Variants in MAGEE1 observed in about 807,000 individuals in gnomAD.
MAGEE1 encodes MAGE family member E1.
A neutral mutation model predicts 12.0 loss-of-function variants in MAGEE1; 3 were observed. That is an observed-to-expected ratio of 0.25 (90% CI 0.11 to 0.65). The LOEUF is 0.65. Ranked by LOEUF, MAGEE1 falls within the 30% of genes least tolerant of loss-of-function variation. MAGEE1 has a pLI of 0.84. For missense variants in MAGEE1, 729 were observed against 772.2 expected, an observed-to-expected ratio of 0.94 and a Z score of 0.66; for synonymous variants, 414 against 326.1, an observed-to-expected ratio of 1.27 and a Z score of -2.91.
Position 76,429,880 on chromosome X carries a change from G to C in MAGEE1, c.1950G>C (p.Glu650Asp). Residue 650 changes from glutamate (E) to aspartate (D), a missense_variant, in exon 1 of 1, where the codon GAG (glutamate) becomes GAC (aspartate). Glu to Asp is a conservative substitution (Grantham distance 45, BLOSUM62 2). Coordinates refer to ENST00000361470, the MANE Select transcript of MAGEE1 (RefSeq NM_020932.3). Reference protein sequence around the residue: ...YRPVTDCKPVEYEFFWGPRSH... With the variant: ...YRPVTDCKPVDYEFFWGPRSH... Reference sequence around the variant, plus strand: ...CAGTAACTGACTGTAAACCAGTGGAGTATGAGTTTTTCTGGGGCCCAAGAT... The same window carrying C: ...CAGTAACTGACTGTAAACCAGTGGACTATGAGTTTTTCTGGGGCCCAAGAT... The C allele has an allele frequency of 1.7e-6, 2 of 1,211,764 alleles. No individual in the cohort carries two copies. Among genetic ancestry groups the C allele is most frequent in the Non-Finnish European group, 2.2e-6 (2 of 895,534 alleles).
At position 76,428,116 on chromosome X, in the gene MAGEE1, G is replaced by A; in HGVS notation, c.186G>A (p.Glu62=). The change falls in exon 1 of 1, where the codon GAG becomes GAA. Residue 62 remains glutamate, a synonymous_variant. Coordinates refer to ENST00000361470, the MANE Select transcript of MAGEE1 (RefSeq NM_020932.3). ...TCCTCCAGGGCCTCTGCGCCTCTGA[G>A]GGCCCAAGCACCTCCGTTCTGCCCA... The part of the protein sequence containing the change: ...SQILQGLCAS[E]GPSTSVLPTS... 2.5e-6 allele frequency: 3 copies of A among 1,191,257 alleles called. No homozygotes were observed. The highest frequency in any genetic ancestry group is 3.1e-5 in the East Asian group (1 of 32,587).
chrX:76,428,478 G>T lies in MAGEE1; in HGVS notation c.548G>T (p.Gly183Val), dbSNP rs1329614986. The T allele has an allele frequency of 8.3e-7, 1 of 1,208,765 alleles. No homozygotes were observed. The highest frequency in any genetic ancestry group is 1.8e-5 in the African/African-American group (1 of 56,938). Residue 183 changes from glycine to valine, a missense_variant, in exon 1 of 1, where the codon GGA becomes GTA. By Grantham distance (109) the Gly-to-Val change is moderately radical. Transcript: ENST00000361470. ...TCCGTGCCGCCCACAGCCTATGAGG[G>T]ACCAAGCACCTCCGTGGTGCCCACC... is the stretch of plus-strand genomic sequence containing the variant. ...STSVPPTAYE[G>V]PSTSVVPTPD...
At position 76,429,175 on chromosome X, in the gene MAGEE1, G is replaced by A. The variant is rs782294387; in HGVS notation, c.1245G>A (p.Leu415=). Residue 415 remains leucine (L), a synonymous_variant, in exon 1 of 1, where the codon TTG becomes TTA. Coordinates refer to ENST00000361470, the MANE Select transcript of MAGEE1 (RefSeq NM_020932.3). ...ACCCTGGTGAGGGCCCGAGCACATT[G>A]TTTAGCTCTAGTGCTTCTGTGGACC... ...LPNPGEGPST[L]FSSSASVDRN... 1.6e-5 allele frequency: 19 copies of A among 1,211,212 alleles called. No homozygotes were observed. The African/African-American group carries it at 3.0e-4, about 19-fold the overall frequency.
chrX:76,430,248 A>G lies in MAGEE1; in HGVS notation c.2318A>G (p.Tyr773Cys), dbSNP rs782081949. Residue 773 changes from tyrosine to cysteine, a missense_variant, in exon 1 of 1, where the codon TAC (tyrosine) becomes TGC (cysteine). Tyr to Cys is a radical substitution (Grantham distance 194). Around this residue, in one of 4 missense-constraint regions of MAGEE1, gnomAD observed 101 missense variants for 161.3 expected, o/e 0.63. Transcript: ENST00000361470. The stretch of plus-strand genomic sequence containing the variant: ...CCTATACCAAAGAAAGGAATTCTGT[A>G]CTACATTGGCCGAGAGTGCAGCAAA... ...KLPIPKKGIL[Y>C]YIGRECSKVF... is the part of the protein sequence containing the mutation. 1 of 1,210,522 alleles carries G rather than the reference A, an allele frequency of 8.3e-7. No individual in the cohort carries two copies. Among genetic ancestry groups the G allele is most frequent in the African/African-American group, 1.7e-5 (1 of 57,294 alleles).
In MAGEE1 at chrX:76,428,833, C is replaced by T. The variant is rs782556685; in HGVS notation, c.903C>T (p.Thr301=). Residue 301 remains threonine, a synonymous_variant, in exon 1 of 1, where the codon ACC becomes ACT. Transcript: ENST00000361470. ...GCACCTCCGTGCCCCCCACCGCCAC[C>T]GAGGGCCTGAGCACCTCCGTGCAGC... The part of the protein sequence containing the change: ...GSSTSVPPTA[T]EGLSTSVQPT... 71 of 1,165,174 alleles carry T rather than the reference C, an allele frequency of 6.1e-5. No homozygotes were observed. Among genetic ancestry groups the T allele is most frequent in the Non-Finnish European group, 7.5e-5 (66 of 876,341 alleles).
chrX:76,428,008 C>A lies in MAGEE1; in HGVS notation c.78C>A (p.Gly26=). ...CTACTGCGCACAACAGCAGCTGGGG[C>A]GAAATGCAGGCCCCTAATGCCCCCG... ...AKATAHNSSW[G]EMQAPNAPGL... is the part of the protein sequence containing the mutation. The change falls in exon 1 of 1, where the codon GGC becomes GGA. Residue 26 remains glycine (G), a synonymous_variant. Transcript: ENST00000361470. 8.3e-7 allele frequency: 1 copy of A among 1,200,529 alleles called. No individual in the cohort carries two copies. Among genetic ancestry groups the A allele is most frequent in the Non-Finnish European group, 1.1e-6 (1 of 890,140 alleles).
At position 76,429,180 on chromosome X, in the gene MAGEE1, G is replaced by A. The variant is rs888299713; in HGVS notation, c.1250G>A (p.Ser417Asn). Residue 417 changes from serine (S) to asparagine (N), a missense_variant, in exon 1 of 1, where the codon AGC becomes AAC. This residue lies in a region of MAGEE1 where 473 missense variants were observed against 423.7 expected (regional missense o/e 1.12). Transcript: ENST00000361470. ...GGTGAGGGCCCGAGCACATTGTTTA[G>A]CTCTAGTGCTTCTGTGGACCGGAAC... ...NPGEGPSTLF[S>N]SSASVDRNPS... The A allele has an allele frequency of 2.5e-6, 3 of 1,211,157 alleles. No individual in the cohort carries two copies. Among genetic ancestry groups the A allele is most frequent in the African/African-American group, 1.7e-5 (1 of 57,592 alleles).
rs782197127 is a variant in MAGEE1 at position 76,427,989 on chromosome X, C to G, written c.59C>G (p.Ala20Gly). Residue 20 changes from alanine (A) to glycine (G), a missense_variant, in exon 1 of 1, where the codon GCG (alanine) becomes GGG (glycine). Ala to Gly is a moderately conservative substitution (Grantham distance 60, BLOSUM62 0). This residue lies in a region of MAGEE1 where 473 missense variants were observed against 423.7 expected (regional missense o/e 1.12). Coordinates refer to ENST00000361470, the MANE Select transcript of MAGEE1 (RefSeq NM_020932.3). ...RRRRRVAKAT[A>G]HNSSWGEMQA... ...CGCCGCCGCGTTGCAAAGGCTACTG[C>G]GCACAACAGCAGCTGGGGCGAAATG... 2 of 1,205,511 alleles carry G rather than the reference C, an allele frequency of 1.7e-6. No individual in the cohort carries two copies. Among genetic ancestry groups the G allele is most frequent in the African/African-American group, 1.7e-5 (1 of 57,443 alleles).
chrX:76,429,266 G>A lies in MAGEE1; in HGVS notation c.1336G>A (p.Asp446Asn), dbSNP rs1004099932. 1 of 1,211,691 alleles carries A rather than the reference G, an allele frequency of 8.3e-7. No individual in the cohort carries two copies. The highest frequency in any genetic ancestry group is 1.8e-5 in the South Asian group (1 of 56,870). ...PRVTKASVDSDSEGPKGAEGP... is the reference protein window; with the variant it reads ...PRVTKASVDSNSEGPKGAEGP... The stretch of plus-strand genomic sequence containing the variant: ...GGTAACCAAGGCCTCCGTGGACTCA[G>A]ATTCTGAGGGTCCTAAGGGTGCAGA... Residue 446 changes from aspartate to asparagine, a missense_variant, in exon 1 of 1, where the codon GAT becomes AAT. Physicochemically the swap from Asp to Asn is conservative, Grantham distance 23. Coordinates refer to ENST00000361470, the MANE Select transcript of MAGEE1 (RefSeq NM_020932.3).
chrX:76,428,599 C>T lies in MAGEE1; in HGVS notation c.669C>T (p.Ser223=), dbSNP rs1923285106. 7.4e-6 allele frequency: 9 copies of T among 1,209,398 alleles called. No homozygotes were observed. The highest frequency in any genetic ancestry group is 1.0e-5 in the Non-Finnish European group (9 of 894,680). The change falls in exon 1 of 1, where the codon TCC becomes TCT. Residue 223 remains serine, a synonymous_variant. Transcript: ENST00000361470. ...CCGCCACTGAGGGCCTGAGCACCTC[C>T]GTGCAGGCCACTCCTGATGAGGGAC... is the stretch of plus-strand genomic sequence containing the variant. ...PLAATEGLST[S]VQATPDEGPS...
Position 76,429,024 on chromosome X carries a change from G to A in MAGEE1, c.1094G>A (p.Ser365Asn). Residue 365 changes from serine (S) to asparagine (N), a missense_variant, in exon 1 of 1, where the codon AGC (serine) becomes AAC (asparagine). Ser to Asn is a conservative substitution (Grantham distance 46). Coordinates refer to ENST00000361470, the MANE Select transcript of MAGEE1 (RefSeq NM_020932.3). ...SVLPIPGEGL[S>N]TSVPPTASDG... is the part of the protein sequence containing the mutation. ...CTGCCAATCCCCGGTGAGGGACTGA[G>A]CACCTCTGTGCCGCCCACCGCCTCT... 1 of 1,211,819 alleles carries A rather than the reference G, an allele frequency of 8.3e-7. No individual in the cohort carries two copies. Among genetic ancestry groups the A allele is most frequent in the Non-Finnish European group, 1.1e-6 (1 of 895,530 alleles).
chrX:76,430,186 G>A lies in MAGEE1; in HGVS notation c.2256G>A (p.Leu752=). 1 of 1,211,646 alleles carries A rather than the reference G, an allele frequency of 8.3e-7. No homozygotes were observed. Among genetic ancestry groups the A allele is most frequent in the Admixed American group, 2.2e-5 (1 of 46,006 alleles). ...GATTGGAGAGCAAGGCAAGGAAGCT[G>A]GTGCAGTTATTTCTGCTTATGGATT... ...ESRLESKARK[L]VQLFLLMDST... is the part of the protein sequence containing the mutation. Residue 752 remains leucine (L), a synonymous_variant, in exon 1 of 1, where the codon CTG becomes CTA. Transcript: ENST00000361470.
At position 76,428,260 on chromosome X, in the gene MAGEE1, G is replaced by A. The variant is rs782283955; in HGVS notation, c.330G>A (p.Glu110=). The A allele has an allele frequency of 5.8e-6, 7 of 1,211,744 alleles. No homozygotes were observed. The highest frequency in any genetic ancestry group is 7.8e-6 in the Non-Finnish European group (7 of 895,407). Residue 110 remains glutamate, a synonymous_variant, in exon 1 of 1, where the codon GAG becomes GAA. Coordinates refer to ENST00000361470, the MANE Select transcript of MAGEE1 (RefSeq NM_020932.3). The part of the protein sequence containing the change: ...PGTSVLPTPS[E]GLSTSGPPTI... ...CCTCCGTGCTGCCCACCCCCAGTGA[G>A]GGCCTAAGCACCTCCGGGCCTCCCA...
rs1556839597 is a variant in MAGEE1, at chrX:76,429,093, C to G, written c.1163C>G (p.Ala388Gly). Residue 388 changes from alanine to glycine, a missense_variant, in exon 1 of 1, where the codon GCA becomes GGA. Around this residue, in one of 4 missense-constraint regions of MAGEE1, gnomAD observed 473 missense variants for 423.7 expected, o/e 1.12. Coordinates refer to ENST00000361470, the MANE Select transcript of MAGEE1 (RefSeq NM_020932.3). Reference protein sequence around the residue: ...TSVPPTPGEGASTLVQPTAPD... With the variant: ...TSVPPTPGEGGSTLVQPTAPD... ...GTGCCGCCCACTCCTGGTGAGGGCG[C>G]AAGCACCTTAGTGCAGCCCACCGCC... 1.7e-6 allele frequency: 2 copies of G among 1,211,602 alleles called. No individual in the cohort carries two copies. The highest frequency in any genetic ancestry group is 2.2e-5 in the Admixed American group (1 of 46,108).
Position 76,430,821 on chromosome X carries a change from C to G in MAGEE1, c.*17C>G. 2 of 1,061,263 alleles carry G rather than the reference C, an allele frequency of 1.9e-6. No homozygotes were observed. The highest frequency in any genetic ancestry group is 2.5e-6 in the Non-Finnish European group (2 of 804,594). The allele number at this position is 1,061,263 out of a possible 1,213,427, so 87.5% of individuals were successfully genotyped here. ...TTCAGGTAGAGGAATGCATGGCAGT[C>G]AGAGGGGCCTTGCAAGGAGGGGCCT... On this transcript the variant is annotated 3_prime_UTR_variant, in exon 1 of 1. Transcript: ENST00000361470.
At position 76,429,341 on chromosome X, in the gene MAGEE1, A is replaced by G. The variant is rs782637952; in HGVS notation, c.1411A>G (p.Ile471Val). 8.3e-6 allele frequency: 10 copies of G among 1,211,400 alleles called. No individual in the cohort carries two copies. In the South Asian group the frequency reaches 1.4e-4, roughly 17 times the overall value. ...VLRDCESPNS[I>V]SIMGLNTSRV... ...GAGAGACTGTGAGAGCCCCAACTCC[A>G]TTAGTATTATGGGCCTCAATACTTC... The change falls in exon 1 of 1, where the codon ATT (isoleucine) becomes GTT (valine). Residue 471 changes from isoleucine (I) to valine (V), a missense_variant. Physicochemically the swap from Ile to Val is conservative, Grantham distance 29. This residue lies in a region of MAGEE1 where 473 missense variants were observed against 423.7 expected (regional missense o/e 1.12). Coordinates refer to ENST00000361470, the MANE Select transcript of MAGEE1 (RefSeq NM_020932.3).
Position 76,427,873 on chromosome X carries a change from G to T in MAGEE1, c.-58G>T. On this transcript the variant is annotated 5_prime_UTR_variant, in exon 1 of 1. Coordinates refer to ENST00000361470, the MANE Select transcript of MAGEE1 (RefSeq NM_020932.3). ...CACCTACACACCTCCCGTCCTCTCTGCCAGATCGCGGGCCTGTCGGTGTCT... is the reference window on the plus strand; with the variant it reads ...CACCTACACACCTCCCGTCCTCTCTTCCAGATCGCGGGCCTGTCGGTGTCT... 1 of 1,134,720 alleles carries T rather than the reference G, an allele frequency of 8.8e-7. No homozygotes were observed. The highest frequency in any genetic ancestry group is 2.1e-5 in the South Asian group (1 of 48,203). The allele number at this position is 1,134,720 out of a possible 1,213,427, so 93.5% of individuals were successfully genotyped here.
In MAGEE1 at chrX:76,430,082, G is replaced by C. The variant is rs1429315494; in HGVS notation, c.2152G>C (p.Ala718Pro). ...TAGGAGGCCCTTTTTTGAGGAAGCTGCTGCAGAGGTACCATCCCCTGATTC... is the reference window on the plus strand; with the variant it reads ...TAGGAGGCCCTTTTTTGAGGAAGCTCCTGCAGAGGTACCATCCCCTGATTC... The part of the protein sequence containing the change: ...HFRRPFFEEA[A>P]AEVPSPDSEV... The change falls in exon 1 of 1, where the codon GCT becomes CCT. Residue 718 changes from alanine (A) to proline (P), a missense_variant. By Grantham distance (27) the Ala-to-Pro change is conservative. This residue lies in a region of MAGEE1 where 64 missense variants were observed against 53.4 expected (regional missense o/e 1.20). Coordinates refer to ENST00000361470, the MANE Select transcript of MAGEE1 (RefSeq NM_020932.3). The C allele has an allele frequency of 4.1e-6, 5 of 1,209,362 alleles. No homozygotes were observed. Among genetic ancestry groups the C allele is most frequent in the Non-Finnish European group, 5.6e-6 (5 of 894,872 alleles).
In MAGEE1 at chrX:76,430,766, G is replaced by C. The variant is rs782232332; in HGVS notation, c.2836G>C (p.Val946Leu). The C allele has an allele frequency of 5.0e-6, 6 of 1,194,557 alleles. No individual in the cohort carries two copies. Among genetic ancestry groups the C allele is most frequent in the Non-Finnish European group, 6.8e-6 (6 of 886,424 alleles). Reference protein sequence around the residue: ...AMEDEANRADVGHRQIFVHNF... With the variant: ...AMEDEANRADLGHRQIFVHNF... ...GGAAGATGAGGCCAATAGAGCTGAT[G>C]TTGGGCACAGGCAAATCTTTGTTCA... The change falls in exon 1 of 1, where the codon GTT (valine) becomes CTT (leucine). Residue 946 changes from valine (V) to leucine (L), a missense_variant. By Grantham distance (32) the Val-to-Leu change is conservative. Around this residue, in one of 4 missense-constraint regions of MAGEE1, gnomAD observed 101 missense variants for 161.3 expected, o/e 0.63. Transcript: ENST00000361470.
Sources: allele counts gnomAD v4.1 joint callset, GRCh38; gene constraint gnomAD v4.1.1; regional missense constraint gnomAD v4.1.1; transcripts MANE v1.5; gene names NCBI Gene and HGNC (gene_info 2026-07-23, HGNC 2026-07-21).